SARAF: variants seen among roughly 807,000 people sequenced by gnomAD.
The protein encoded by SARAF is store-operated calcium entry-associated regulatory factor.
A neutral mutation model predicts 39.7 loss-of-function variants in SARAF; 23 were observed. That is an observed-to-expected ratio of 0.58 (90% CI 0.42 to 0.82). SARAF has a LOEUF of 0.82. Among genes scored for constraint, SARAF ranks in the 40% least tolerant of loss-of-function variants. The pLI is 0.00. For missense variants in SARAF, 384 were observed against 418.5 expected (o/e 0.92, Z 0.72); for synonymous variants, 175 against 168.5 (o/e 1.04, Z -0.30).
intron 3 of SARAF, 47 bp downstream of exon 3, chr8:30,069,595 C>T: frequency 1.3e-6 from 2 of 1,533,648 alleles, no homozygotes; most frequent in South Asian, 1.2e-5. Context: ...ACAGGATGCA[C>T]TAACCTCACA....
Position 30,083,032 on chromosome 8 carries a change from T to G in SARAF, c.-83A>C. ...GGTAGCGCGCGCGACGCTGCGCAGCTACACCGCTACCCCTGGCGGCGGCGA... is the reference window on the plus strand; with the variant it reads ...GGTAGCGCGCGCGACGCTGCGCAGCGACACCGCTACCCCTGGCGGCGGCGA... On this transcript the variant is annotated 5_prime_UTR_variant, in exon 1 of 6. Transcript: ENST00000256255. The G allele has an allele frequency of 9.7e-7, 1 of 1,033,650 alleles. No individual in the cohort carries two copies. Among genetic ancestry groups the G allele is most frequent in the Non-Finnish European group, 1.4e-6 (1 of 724,342 alleles). The allele number at this position is 1,033,650 out of a possible 1,614,324, so 64.0% of individuals were successfully genotyped here.
At chr8:30,074,797 A>C (rs1443383083) in intron 1 of SARAF, among the ~76,000 whole-genome samples, 17 of 152,212 alleles carry the variant, frequency 1.1e-4, no homozygotes, top group Non-Finnish European at 1.0e-4. Context: ...CAAATATGGC[A>C]AAATATAAAG....
At position 30,075,981 on chromosome 8, in the gene SARAF, T is replaced by TAAAA. The variant is rs1491525634; in HGVS notation, c.104-1930_104-1927dup. ...AACCTGATGTACATAACAGAATCCC[T>TAAAA]AAAAAAAAACAAAAAAAAAAAAACA... is the stretch of plus-strand genomic sequence containing the variant. On this transcript the variant is annotated intron_variant, in intron 1 of 5. Coordinates refer to ENST00000256255, the MANE Select transcript of SARAF (RefSeq NM_016127.6). Among the ~76,000 whole-genome samples, 14 of 7,384 alleles carry TAAAA rather than the reference T, an allele frequency of 1.9e-3. 5 individuals are homozygous for TAAAA. Among genetic ancestry groups the TAAAA allele is most frequent in the Admixed American group, 5.3e-3 (3 of 562 alleles). The allele number at this position is 7,384 out of a possible 152,430, so 4.8% of individuals were successfully genotyped here. A position where few individuals can be genotyped will look rare whatever the true frequency, so the allele number is the denominator to read the frequency against.
At chr8:30,079,794 G>A (rs1802057423) in intron 1 of SARAF, among the ~76,000 whole-genome samples, 1 of 152,172 alleles carries the variant, frequency 6.6e-6, no homozygotes, top group Admixed American at 6.5e-5. Flanking sequence ...AAATATTACT[G>A]AAAGTTTTAA....
At chr8:30,079,962 G>A (rs1043025978) in intron 1 of SARAF, among the ~76,000 whole-genome samples, 7 of 152,106 alleles carry the variant, frequency 4.6e-5, no homozygotes, top group Non-Finnish European at 7.4e-5. Flanking sequence ...ATCACGGCAG[G>A]TCTCAAACAA....
chr8:30,065,516 G>A (rs1400815317), intron 5 of SARAF, among the ~76,000 whole-genome samples: 1 of 152,030 alleles, frequency 6.6e-6, no homozygotes, highest in Non-Finnish European at 1.5e-5. Context: ...CTCCCAATTA[G>A]GCTTGATGCT....
intron 1 of SARAF, among the ~76,000 whole-genome samples, chr8:30,080,703 AT>A (rs967930731): frequency 2.6e-5 from 4 of 151,910 alleles, no homozygotes; most frequent in African/African-American, 2.4e-5. Context: ...AATGGTGCTA[AT>A]TTTTTTTTCC....
intron 3 of SARAF, 129 bp downstream of exon 3, chr8:30,069,513 G>C (rs1010588877): frequency 7.5e-5 from 75 of 1,001,908 alleles, no homozygotes; most frequent in Non-Finnish European, 1.0e-4. Context: ...GAAGTTGAAA[G>C]TAAAAAACAA....
intron 1 of SARAF, chr8:30,082,535 C>A: frequency 3.5e-6 from 1 of 282,196 alleles, no homozygotes. Context: ...GAGTGTCCAG[C>A]TCTCCAGTTA....
chr8:30,074,488 T>C (rs976078026), intron 1 of SARAF, among the ~76,000 whole-genome samples: 2 of 152,208 alleles, frequency 1.3e-5, no homozygotes, highest in Non-Finnish European at 2.9e-5. Flanking sequence ...GAATATTACA[T>C]AGCAGTTAAA....
Position 30,082,808 on chromosome 8 carries a change from A to G in SARAF, c.103+39T>C. 5.5e-6 allele frequency: 8 copies of G among 1,453,664 alleles called. No individual in the cohort carries two copies. In the Admixed American group the frequency reaches 1.1e-4, roughly 19 times the overall value. The allele number at this position is 1,453,664 out of a possible 1,614,324, so 90.0% of individuals were successfully genotyped here. A position where few individuals can be genotyped will look rare whatever the true frequency, so the allele number is the denominator to read the frequency against. On this transcript the variant is annotated intron_variant, in intron 1 of 5. Coordinates refer to ENST00000256255, the MANE Select transcript of SARAF (RefSeq NM_016127.6). ...CTGCACCGGCTGACGGCGGCGGAAA[A>G]GGGCGAACGAAGCGCCTGAGGGCCC...
chr8:30,069,849 A>G lies in SARAF; in HGVS notation c.493T>C (p.Trp165Arg). The G allele has an allele frequency of 6.2e-7, 1 of 1,614,184 alleles. No individual in the cohort carries two copies. Residue 165 changes from tryptophan (W) to arginine (R), a missense_variant, in exon 3 of 6, where the codon TGG becomes CGG. By Grantham distance (101) the Trp-to-Arg change is moderately radical (BLOSUM62 -3). Coordinates refer to ENST00000256255, the MANE Select transcript of SARAF (RefSeq NM_016127.6). ...ATGTTACAGGAATCCGCCGAGGACC[A>G]CTTATAATAATAATCAGAGAAAGAG... The part of the protein sequence containing the change: ...FASFSDYYYK[W>R]SSADSCNMSG...
intron 5 of SARAF, among the ~76,000 whole-genome samples, chr8:30,064,561 A>ATTTTTTATTTTT (rs1554525206): frequency 2.4e-4 from 11 of 46,228 alleles, no homozygotes; most frequent in Admixed American, 7.0e-4. Flanking sequence ...ATATATATAT[A>ATTTTTTATTTTT]TTTTTTTTTT....
chr8:30,082,685 C>A, intron 1 of SARAF, 162 bp downstream of exon 1: 2 of 544,800 alleles, frequency 3.7e-6, no homozygotes, highest in Non-Finnish European at 6.5e-6. Context: ...CTGGGAAGAG[C>A]AGTGGAACCA....
At chr8:30,077,609 C>T (rs1404398212) in intron 1 of SARAF, among the ~76,000 whole-genome samples, 1 of 151,876 alleles carries the variant, frequency 6.6e-6, no homozygotes, top group East Asian at 1.9e-4. Context: ...CAAGACCATC[C>T]TGGCGAACAC....
At position 30,070,408 on chromosome 8, in the gene SARAF, GA is replaced by G. The variant is rs796469752; in HGVS notation, c.283-350del. 4.1e-3 allele frequency among the ~76,000 whole-genome samples: 586 copies of G among 143,132 alleles called. 6 individuals carry two copies. Among genetic ancestry groups the G allele is most frequent in the African/African-American group, 0.011 (440 of 39,190 alleles). 93.9% of individuals were successfully genotyped at this position (143,132 alleles called of 152,430 possible). On this transcript the variant is annotated intron_variant, in intron 2 of 5. Coordinates refer to ENST00000256255, the MANE Select transcript of SARAF (RefSeq NM_016127.6). Reference sequence around the variant, plus strand: ...GCAACAGAGCAAGACTCCGTCTCAAGAAAAAAAAAAATGTTACTTGGGCTAT... The same window carrying G: ...GCAACAGAGCAAGACTCCGTCTCAAGAAAAAAAAAATGTTACTTGGGCTAT...
At chr8:30,064,160 G>C (rs567027365) in intron 5 of SARAF, among the ~76,000 whole-genome samples, 94 of 152,202 alleles carry the variant, frequency 6.2e-4, no homozygotes, top group Non-Finnish European at 1.1e-3. Context: ...CCAAAAAAGA[G>C]AATGCATTCT....
chr8:30,074,336 A>G (rs1801910492), intron 1 of SARAF, among the ~76,000 whole-genome samples: 1 of 152,238 alleles, frequency 6.6e-6, no homozygotes, highest in South Asian at 2.1e-4. Flanking sequence ...AAGTTCATTA[A>G]CCTGAAACAT....
In SARAF at chr8:30,069,997, T is replaced by C. The variant is rs750944971; in HGVS notation, c.345A>G (p.Glu115=). The C allele has an allele frequency of 8.1e-6, 13 of 1,613,752 alleles. No individual in the cohort carries two copies. The highest frequency in any genetic ancestry group is 4.2e-6 in the Non-Finnish European group (5 of 1,179,972). Residue 115 remains glutamate (E), a synonymous_variant, in exon 3 of 6, where the codon GAA becomes GAG. Transcript: ENST00000256255. The stretch of plus-strand genomic sequence containing the variant: ...ACTGGTCTTCAGAGGACTCATAGCC[T>C]TCACAGCTCACCACAGTTTTTCCAA... ...YKFGKTVVSC[E]GYESSEDQYV...
Sources: allele counts gnomAD v4.1 joint callset (sites outside exome capture counted in the v4.1 genomes callset), GRCh38; gene constraint gnomAD v4.1.1; transcripts MANE v1.5; gene names NCBI Gene and HGNC (gene_info 2026-07-23, HGNC 2026-07-21).